HAPLN1: variants seen among roughly 807,000 people sequenced by gnomAD.
HAPLN1 encodes the protein Cartilage link protein.
Under a neutral mutation model 36.5 loss-of-function variants are expected in HAPLN1, and 13 were observed. The observed-to-expected ratio is 0.36, with a 90% CI of 0.23 to 0.57. The LOEUF (loss-of-function observed/expected upper bound fraction) is 0.57, where lower values mean the gene tolerates loss of function less well. Among genes scored for constraint, HAPLN1 ranks in the 20% least tolerant of loss-of-function variants. The pLI is 0.83. For missense variants in HAPLN1, 407 were observed against 439.7 expected, an observed-to-expected ratio of 0.93 and a Z score of 0.66; for synonymous variants, 202 against 169.8, an observed-to-expected ratio of 1.19 and a Z score of -1.48.
intron 4 of HAPLN1, among the ~76,000 whole-genome samples, 162 bp downstream of exon 4, chr5:83,644,201 T>C (rs1420421045): frequency 6.6e-6 from 1 of 152,192 alleles, no homozygotes; most frequent in Non-Finnish European, 1.5e-5. Flanking sequence ...ATTTAAAAAT[T>C]ATGACACTCA....
At chr5:83,653,530 C>T (rs1335381171) in intron 2 of HAPLN1, among the ~76,000 whole-genome samples, 1 of 152,178 alleles carries the variant, frequency 6.6e-6, no homozygotes, top group African/African-American at 2.4e-5. Flanking sequence ...ATGTTAAAAA[C>T]GTATCCAAAG....
intron 2 of HAPLN1, among the ~76,000 whole-genome samples, chr5:83,661,136 C>G (rs1022778170): frequency 2.0e-4 from 30 of 152,228 alleles, no homozygotes; most frequent in African/African-American, 7.0e-4. Context: ...TTCAGGACTA[C>G]TATTCTAGAA....
At position 83,641,590 on chromosome 5, in the gene HAPLN1, C is replaced by G. The variant is rs753012193; in HGVS notation, c.971G>C (p.Arg324Pro). 56 of 1,614,024 alleles carry G rather than the reference C, an allele frequency of 3.5e-5. No homozygotes were observed. Among genetic ancestry groups the G allele is most frequent in the Non-Finnish European group, 4.7e-5 (55 of 1,180,018 alleles). ...VRYPISRPRRRCSPTEAAVRF... is the reference protein window; with the variant it reads ...VRYPISRPRRPCSPTEAAVRF... ...CACTGCAGCCTCAGTAGGACTGCAG[C>G]GCCTTCTTGGCCTAGAGATGGGGTA... Residue 324 changes from arginine (R) to proline (P), a missense_variant, in exon 5 of 5, where the codon CGC becomes CCC. By Grantham distance (103) the Arg-to-Pro change is moderately radical. Coordinates refer to ENST00000274341, the MANE Select transcript of HAPLN1 (RefSeq NM_001884.4).
chr5:83,673,644 G>T (rs1051326161), intron 1 of HAPLN1, 95 bp from the exon 2 acceptor site: 2 of 712,688 alleles, frequency 2.8e-6, no homozygotes, highest in Non-Finnish European at 4.8e-6. Flanking sequence ...ATCATAGAAT[G>T]GGTCTGTAAA....
intron 4 of HAPLN1, among the ~76,000 whole-genome samples, chr5:83,643,499 G>T (rs1428588346): frequency 6.6e-6 from 1 of 152,114 alleles, no homozygotes; most frequent in East Asian, 1.9e-4. Context: ...CACCACACAG[G>T]GCCCCACACG....
rs192869653 is a variant in HAPLN1 at position 83,697,919 on chromosome 5, T to C, written c.-27+22870A>G. On this transcript the variant is annotated intron_variant, in intron 1 of 4. Coordinates refer to ENST00000274341, the MANE Select transcript of HAPLN1 (RefSeq NM_001884.4). ...TTAATTGTTGAATTAGAATTTTTTA[T>C]ATATTCTGGATATATACTAGCATAA... Among the ~76,000 whole-genome samples, 668 of 152,302 alleles carry C rather than the reference T, an allele frequency of 4.4e-3. 7 individuals are homozygous for C. The highest frequency in any genetic ancestry group is 3.6e-3 in the Non-Finnish European group (247 of 68,000).
At chr5:83,682,281 T>C (rs1170031436) in intron 1 of HAPLN1, 1 of 152,166 alleles carries the variant, frequency 6.6e-6, no homozygotes, top group East Asian at 1.9e-4. Context: ...ATCCCATGTG[T>C]CATTCTAAAG....
At chr5:83,664,485 C>T (rs1451755384) in intron 2 of HAPLN1, among the ~76,000 whole-genome samples, 3 of 152,122 alleles carry the variant, frequency 2.0e-5, no homozygotes, top group Admixed American at 6.5e-5. Context: ...CGGGTTCAAG[C>T]GATTTTCCTG....
At chr5:83,673,592 C>T in intron 1 of HAPLN1, 43 bp from the exon 2 acceptor site, 1 of 1,157,114 alleles carries the variant, frequency 8.6e-7, no homozygotes, top group South Asian at 1.2e-5. Context: ...AGATTTGGAA[C>T]CCTTTGGAGT....
At chr5:83,656,327 C>CA (rs35902132) in intron 2 of HAPLN1, among the ~76,000 whole-genome samples, 26,696 of 59,850 alleles carry the variant, frequency 0.45, 6,592 homozygotes, top group South Asian at 0.5. Flanking sequence ...GACTACGTCT[C>CA]AAAAAAAAAA....
chr5:83,667,391 C>T (rs545832164), intron 2 of HAPLN1, among the ~76,000 whole-genome samples: 118 of 152,066 alleles, frequency 7.8e-4, no homozygotes, highest in African/African-American at 2.8e-3. Context: ...GGATGATGTG[C>T]TAATTTTTAT....
chr5:83,677,642 T>C (rs1244744566), intron 1 of HAPLN1, among the ~76,000 whole-genome samples: 1 of 152,168 alleles, frequency 6.6e-6, no homozygotes, highest in Admixed American at 6.6e-5. Context: ...AAGTGAGCTC[T>C]ATTCCAGGTC....
chr5:83,678,941 A>C (rs1750930181), intron 1 of HAPLN1, among the ~76,000 whole-genome samples: 1 of 152,218 alleles, frequency 6.6e-6, no homozygotes, highest in Non-Finnish European at 1.5e-5. Context: ...TATGGAGTTT[A>C]ATATCAAGTT....
intron 1 of HAPLN1, among the ~76,000 whole-genome samples, chr5:83,676,206 G>A (rs552053220): frequency 1.3e-4 from 17 of 126,470 alleles, no homozygotes; most frequent in African/African-American, 4.4e-4. Flanking sequence ...ACAGAGATAC[G>A]CACACATACA....
rs1334389654 is a variant in HAPLN1, at chr5:83,648,437, A to ATATG, written c.473-3773_473-3772insCATA. 3.1e-5 allele frequency among the ~76,000 whole-genome samples: 4 copies of ATATG among 128,080 alleles called. No homozygotes were observed. The East Asian group carries it at 9.5e-4, about 30-fold the overall frequency. The allele number at this position is 128,080 out of a possible 152,430, so 84.0% of individuals were successfully genotyped here. A position where few individuals can be genotyped will look rare whatever the true frequency, so the allele number is the denominator to read the frequency against. On this transcript the variant is annotated intron_variant, in intron 3 of 4. Coordinates refer to ENST00000274341, the MANE Select transcript of HAPLN1 (RefSeq NM_001884.4). ...TATATATATATATATATATATATAT[A>ATATG]TGGTTTGAATCCAAGACAGAATAAA... is the stretch of plus-strand genomic sequence containing the variant.
At chr5:83,664,338 C>T (rs1380796892) in intron 2 of HAPLN1, among the ~76,000 whole-genome samples, 1 of 132,360 alleles carries the variant, frequency 7.6e-6, no homozygotes, top group East Asian at 2.9e-4. Context: ...CGCCATTGGG[C>T]CCACTGCCCC....
In HAPLN1 at chr5:83,652,695, A is replaced by G. The variant is rs1279219614; in HGVS notation, c.230T>C (p.Ile77Thr). ...PTAFGSGIHK[I>T]RIKWTKLTSD... is the part of the protein sequence containing the mutation. ...AGTTAGCTTGGTCCACTTAATTCGG[A>G]TTTTATGGATTCCTGAGCCAAATGC... is the stretch of plus-strand genomic sequence containing the variant. Residue 77 changes from isoleucine to threonine, a missense_variant, in exon 3 of 5, where the codon ATC (isoleucine) becomes ACC (threonine). Ile to Thr is a moderately conservative substitution (Grantham distance 89, BLOSUM62 -1). Transcript: ENST00000274341. 2.5e-6 allele frequency: 4 copies of G among 1,613,984 alleles called. No individual in the cohort carries two copies. The highest frequency in any genetic ancestry group is 4.5e-5 in the East Asian group (2 of 44,890).
intron 3 of HAPLN1, among the ~76,000 whole-genome samples, chr5:83,645,596 A>C (rs917342465): frequency 1.3e-5 from 2 of 151,152 alleles, no homozygotes; most frequent in Non-Finnish European, 2.9e-5. Context: ...CCCCTGCTAA[A>C]GTGGACTCCT....
chr5:83,640,651 C>T lies in HAPLN1; in HGVS notation c.*845G>A, dbSNP rs1749656424. 2.0e-5 allele frequency: 3 copies of T among 152,118 alleles called. No individual in the cohort carries two copies. The highest frequency in any genetic ancestry group is 2.0e-4 in the Admixed American group (3 of 15,262). The allele number at this position is 152,118 out of a possible 1,614,324, so 9.4% of individuals were successfully genotyped here. A position where few individuals can be genotyped will look rare whatever the true frequency, so the allele number is the denominator to read the frequency against. On this transcript the variant is annotated 3_prime_UTR_variant, in exon 5 of 5. Coordinates refer to ENST00000274341, the MANE Select transcript of HAPLN1 (RefSeq NM_001884.4). The stretch of plus-strand genomic sequence containing the variant: ...TAAATTTTACAATTTTTCTGTCCAG[C>T]AGTTTATCTATATAACTGCCCTGAG...
Sources: gnomAD v4.1 joint callset for allele counts (sites outside exome capture counted in the v4.1 genomes callset) on GRCh38, gnomAD v4.1.1 for gene constraint, MANE v1.5 for transcripts, NCBI Gene and HGNC (gene_info 2026-07-23, HGNC 2026-07-21) for gene names.